Variants in ROBO2 observed in about 807,000 individuals in gnomAD.
The protein encoded by ROBO2 is roundabout homolog 2.
Under a neutral mutation model 160.8 loss-of-function variants are expected in ROBO2, and 53 were observed. The observed-to-expected ratio is 0.33, with a 90% CI of 0.26 to 0.41. ROBO2 has a LOEUF of 0.41. Ranked by LOEUF, ROBO2 falls within the 10% of genes least tolerant of loss-of-function variation. The pLI is 1.00. For synonymous variants in ROBO2, 664 were observed against 611.7 expected (o/e 1.09, Z -1.26); for missense variants, 1,577 against 1,722.4 (o/e 0.92, Z 1.49).
At chr3:76,794,042 T>C (rs1262399318) in intron 2 of ROBO2, among the ~76,000 whole-genome samples, 2 of 151,960 alleles carry the variant, frequency 1.3e-5, no homozygotes, top group Non-Finnish European at 2.9e-5. Context: ...GGAATAGGAC[T>C]CTTCTTTTGG....
chr3:76,454,066 T>G (rs2077620117), intron 2 of ROBO2, among the ~76,000 whole-genome samples: 2 of 152,154 alleles, frequency 1.3e-5, no homozygotes, highest in African/African-American at 4.8e-5. Flanking sequence ...AAGAGATGTC[T>G]TTCAGCAAAT....
At chr3:76,668,923 T>TAAG (rs1304235889) in intron 2 of ROBO2, among the ~76,000 whole-genome samples, 1 of 152,096 alleles carries the variant, frequency 6.6e-6, no homozygotes, top group Non-Finnish European at 1.5e-5. Context: ...AGAGGATGGC[T>TAAG]AAGAGGGCAA....
chr3:76,720,475 C>T (rs2093447660), intron 2 of ROBO2, among the ~76,000 whole-genome samples: 1 of 152,142 alleles, frequency 6.6e-6, no homozygotes, highest in Admixed American at 6.5e-5. Context: ...TCTGGACTTT[C>T]AGAGGCATTT....
chr3:77,293,015 A>G (rs1264740660), intron 2 of ROBO2, among the ~76,000 whole-genome samples: 1 of 151,692 alleles, frequency 6.6e-6, no homozygotes, highest in Non-Finnish European at 1.5e-5. Context: ...CTGAGGCTAG[A>G]TCACCAAAGA....
intron 2 of ROBO2, among the ~76,000 whole-genome samples, chr3:76,482,427 C>T (rs2079263926): frequency 6.6e-6 from 1 of 152,002 alleles, no homozygotes; most frequent in Non-Finnish European, 1.5e-5. Flanking sequence ...TTTTCTAAGC[C>T]CTTACTTTTG....
At chr3:76,220,642 C>A (rs1410350266) in intron 2 of ROBO2, among the ~76,000 whole-genome samples, 1 of 152,160 alleles carries the variant, frequency 6.6e-6, no homozygotes, top group Non-Finnish European at 1.5e-5. Context: ...TACAGGAGCA[C>A]AGATGCACTA....
intron 2 of ROBO2, among the ~76,000 whole-genome samples, chr3:77,429,201 G>A (rs1304805398): frequency 6.6e-6 from 1 of 152,108 alleles, no homozygotes; most frequent in African/African-American, 2.4e-5. Context: ...GTGGACTTGT[G>A]GAAGCTCACA....
intron 2 of ROBO2, among the ~76,000 whole-genome samples, chr3:76,748,017 G>A (rs1003565225): frequency 6.6e-6 from 1 of 151,928 alleles, no homozygotes; most frequent in Non-Finnish European, 1.5e-5. Flanking sequence ...ACAGAAGAGA[G>A]TTAATGAACA....
chr3:77,135,313 A>G (rs938727545), intron 2 of ROBO2, among the ~76,000 whole-genome samples: 1 of 152,202 alleles, frequency 6.6e-6, no homozygotes, highest in South Asian at 2.1e-4. Flanking sequence ...ACTTGATCCT[A>G]AAGTTATTTG....
chr3:76,466,604 T>A (rs2078374027), intron 2 of ROBO2, among the ~76,000 whole-genome samples: 2 of 152,040 alleles, frequency 1.3e-5, no homozygotes, highest in South Asian at 4.1e-4. Context: ...TTTATATTCC[T>A]TACGATTTTT....
chr3:77,324,902 A>G (rs2065227067), intron 2 of ROBO2, among the ~76,000 whole-genome samples: 1 of 152,164 alleles, frequency 6.6e-6, no homozygotes, highest in Non-Finnish European at 1.5e-5. Flanking sequence ...AACTCTAACA[A>G]GAACCTCAGA....
intron 2 of ROBO2, among the ~76,000 whole-genome samples, chr3:77,383,794 T>C (rs2073810322): frequency 6.6e-6 from 1 of 152,136 alleles, no homozygotes; most frequent in Non-Finnish European, 1.5e-5. Flanking sequence ...ATACTTCCTT[T>C]CAACAAAAGA....
rs573065103 is a variant in ROBO2 at position 76,545,295 on chromosome 3, A to C, written c.110-552719A>C. 3.7e-4 allele frequency among the ~76,000 whole-genome samples: 56 copies of C among 151,982 alleles called. 1 individual carries two copies. The highest frequency in any genetic ancestry group is 7.4e-5 in the Non-Finnish European group (5 of 67,864). On this transcript the variant is annotated intron_variant, in intron 2 of 26. Coordinates refer to the ROBO2 transcript ENST00000487694. ...TGAAATTAAGGGTCTATTTTTATCTATGTCGGACAATCAAGTCCTGAATTA... is the reference window on the plus strand; with the variant it reads ...TGAAATTAAGGGTCTATTTTTATCTCTGTCGGACAATCAAGTCCTGAATTA...
At chr3:76,370,670 C>G (rs563310855) in intron 2 of ROBO2, among the ~76,000 whole-genome samples, 3 of 151,916 alleles carry the variant, frequency 2.0e-5, no homozygotes, top group Admixed American at 2.0e-4. Context: ...TCACAATTAA[C>G]AATTAAAAAT....
chr3:76,889,548 T>G (rs1311374541), intron 2 of ROBO2, among the ~76,000 whole-genome samples: 2 of 152,144 alleles, frequency 1.3e-5, no homozygotes, highest in Admixed American at 1.3e-4. Flanking sequence ...ATTCAATAGC[T>G]CCATTTCATA....
intron 2 of ROBO2, among the ~76,000 whole-genome samples, chr3:76,283,283 G>A (rs1230726517): frequency 6.6e-6 from 1 of 150,808 alleles, no homozygotes; most frequent in East Asian, 2.0e-4. Flanking sequence ...AGTGTATTAA[G>A]GAACCGATGA....
chr3:76,932,998 G>T (rs2077453142), intron 2 of ROBO2, among the ~76,000 whole-genome samples: 1 of 151,894 alleles, frequency 6.6e-6, no homozygotes, highest in African/African-American at 2.4e-5. Context: ...CACTTTGCTT[G>T]TTAGGATGAG....
chr3:77,017,319 CCTT>C lies in ROBO2; in HGVS notation c.110-80689_110-80687del, dbSNP rs541039826. ...AAAACAAAACAACCACAACAAAAAA[CCTT>C]CTTCTGTAAAAGAAAGACAAAGTAA... On this transcript the variant is annotated intron_variant, in intron 2 of 26. Coordinates refer to the ROBO2 transcript ENST00000487694. 2.8e-4 allele frequency among the ~76,000 whole-genome samples: 42 copies of C among 152,236 alleles called. No homozygotes were observed. In the South Asian group the frequency reaches 7.0e-3, roughly 26 times the overall value.
At chr3:76,839,341 G>A (rs1306888724) in intron 2 of ROBO2, among the ~76,000 whole-genome samples, 1 of 152,108 alleles carries the variant, frequency 6.6e-6, no homozygotes, top group African/African-American at 2.4e-5. Flanking sequence ...GTGAAATAAG[G>A]CATGTAGGAA....
Sources: gnomAD v4.1 joint callset for allele counts (sites outside exome capture counted in the v4.1 genomes callset) on GRCh38, gnomAD v4.1.1 for gene constraint, MANE v1.5 for transcripts, NCBI Gene and HGNC (gene_info 2026-07-23, HGNC 2026-07-21) for gene names.